Variants in DHX8 observed in about 807,000 individuals in gnomAD.
The protein encoded by DHX8 is DEAH-box helicase 8.
In DHX8, 67 loss-of-function variants were observed where a neutral mutation model predicts 140.7. The observed-to-expected ratio is 0.48, with a 90% confidence interval of 0.39 to 0.58. The LOEUF is 0.58. Ranked by LOEUF, DHX8 falls within the 20% of genes least tolerant of loss-of-function variation. The pLI, the probability that DHX8 is intolerant of heterozygous loss-of-function variation, is 0.00. For synonymous variants in DHX8, 533 were observed against 553.2 expected (o/e 0.96, Z 0.51); for missense variants, 887 against 1,550.7 (o/e 0.57, Z 7.19).
Position 43,508,416 on chromosome 17 carries a change from C to T in DHX8, c.2398C>T (p.Leu800=). 1 of 1,613,834 alleles carries T rather than the reference C, an allele frequency of 6.2e-7. No homozygotes were observed. Among genetic ancestry groups the T allele is most frequent in the Non-Finnish European group, 8.5e-7 (1 of 1,179,862 alleles). Residue 800 remains leucine (L), a synonymous_variant, in exon 16 of 23, where the codon CTG becomes TTG. Coordinates refer to ENST00000262415, the MANE Select transcript of DHX8 (RefSeq NM_004941.3). The part of the protein sequence containing the change: ...CEILYERMKS[L]GPDVPELIIL... ...GATCCTGTATGAAAGAATGAAATCC[C>T]TGGGACCTGATGTTCCAGAGTTAAT...
At chr17:43,484,249 G>A (rs73987509) in intron 1 of DHX8, 64 bp downstream of exon 1, 22 of 471,896 alleles carry the variant, frequency 4.7e-5, no homozygotes, top group Non-Finnish European at 6.2e-5. Flanking sequence ...GAGGAAGGAG[G>A]AAGGAGAAAG....
At chr17:43,486,093 A>T (rs1968127008) in intron 1 of DHX8, among the ~76,000 whole-genome samples, 1 of 152,068 alleles carries the variant, frequency 6.6e-6, no homozygotes. Context: ...CAGGAGGCTG[A>T]GGCAGGAGAA....
intron 3 of DHX8, 66 bp downstream of exon 3, chr17:43,490,529 G>T: frequency 7.4e-7 from 1 of 1,342,536 alleles, no homozygotes; most frequent in Non-Finnish European, 1.0e-6. Context: ...CCTGTAAATT[G>T]CATTTGTTTT....
chr17:43,504,858 G>GT, intron 12 of DHX8, 33 bp downstream of exon 12: 2 of 1,586,886 alleles, frequency 1.3e-6, no homozygotes, highest in Non-Finnish European at 1.7e-6. Context: ...TTGGTGGGGA[G>GT]TAGGGTTATT....
chr17:43,521,290 G>A lies in DHX8; in HGVS notation c.3067-79G>A, dbSNP rs139112026. On this transcript the variant is annotated intron_variant, in intron 20 of 22. Coordinates refer to ENST00000262415, the MANE Select transcript of DHX8 (RefSeq NM_004941.3). ...ATGTGGACACTTTTGATAGGGTCTT[G>A]TAGGGCTCCCTAGAATTGCTCCATG... The A allele has an allele frequency of 6.7e-5, 83 of 1,247,348 alleles. No homozygotes were observed. The African/African-American group carries it at 1.1e-3, about 17-fold the overall frequency. 77.3% of individuals were successfully genotyped at this position (1,247,348 alleles called of 1,614,324 possible). A position where few individuals can be genotyped will look rare whatever the true frequency, so the allele number is the denominator to read the frequency against.
At chr17:43,490,876 C>A (rs1318487449) in intron 3 of DHX8, among the ~76,000 whole-genome samples, 1 of 151,566 alleles carries the variant, frequency 6.6e-6, no homozygotes, top group Non-Finnish European at 1.5e-5. Flanking sequence ...TTCCCCGTTT[C>A]AAGGGGAAAA....
At chr17:43,513,280 GAT>G in intron 16 of DHX8, 80 bp from the exon 17 acceptor site, 1 of 1,448,468 alleles carries the variant, frequency 6.9e-7, no homozygotes, top group Non-Finnish European at 9.3e-7. Flanking sequence ...CCTTTGGGAA[GAT>G]ATCTGGGTTC....
intron 3 of DHX8, chr17:43,536,553 C>T: frequency 7.4e-7 from 1 of 1,352,900 alleles, no homozygotes; most frequent in Non-Finnish European, 1.1e-6. Flanking sequence ...TATTACAGCC[C>T]TGCAGATTAG....
chr17:43,489,667 T>C, intron 2 of DHX8, 133 bp downstream of exon 2: 1 of 578,820 alleles, frequency 1.7e-6, no homozygotes. Context: ...CTCAGCTCAC[T>C]GCAAGCTCCG....
chr17:43,536,597 C>T lies in DHX8; in HGVS notation c.*20+99C>T, dbSNP rs575757670. ...AAGAAAGGACCAACAGCCTTTAGAT[C>T]AGGGGTGTCCACATTGTAAGAATTG... On this transcript the variant is annotated intron_variant, in intron 3 of 3. Transcript: ENST00000589898. The T allele has an allele frequency of 7.8e-6, 6 of 771,180 alleles. No individual in the cohort carries two copies. In the East Asian group the frequency reaches 1.2e-4, roughly 16 times the overall value. The allele number at this position is 771,180 out of a possible 1,614,324, so 47.8% of individuals were successfully genotyped here.
At chr17:43,530,940 T>C (rs1567707839), downstream of DHX8, among the ~76,000 whole-genome samples, 1 of 152,000 alleles carries the variant, frequency 6.6e-6, no homozygotes, top group Non-Finnish European at 1.5e-5. Context: ...AATTCCTGAC[T>C]CCATTCAGGA....
chr17:43,524,550 G>C lies in DHX8; in HGVS notation c.*703G>C. The C allele has an allele frequency of 1.0e-6, 1 of 986,364 alleles. No individual in the cohort carries two copies. Among genetic ancestry groups the C allele is most frequent in the Non-Finnish European group, 1.2e-6 (1 of 830,772 alleles). The allele number at this position is 986,364 out of a possible 1,614,324, so 61.1% of individuals were successfully genotyped here. A position where few individuals can be genotyped will look rare whatever the true frequency, so the allele number is the denominator to read the frequency against. The stretch of plus-strand genomic sequence containing the variant: ...GGGCCGTGCTGGGGGATCACCCGAT[G>C]ATCAACCATGTCCTCTCCACAGAGC... On this transcript the variant is annotated 3_prime_UTR_variant, in exon 23 of 23. Transcript: ENST00000262415.
chr17:43,515,850 G>A (rs1598168622), intron 17 of DHX8, among the ~76,000 whole-genome samples: 1 of 152,090 alleles, frequency 6.6e-6, no homozygotes, highest in Non-Finnish European at 1.5e-5. Flanking sequence ...CTATCCTTTG[G>A]TTTGGAGCTG....
intron 3 of DHX8, among the ~76,000 whole-genome samples, chr17:43,538,180 G>A (rs1478715411): frequency 6.6e-6 from 1 of 150,832 alleles, no homozygotes; most frequent in Non-Finnish European, 1.5e-5. Flanking sequence ...GTGGTGGCAC[G>A]CCTGTAATCC....
At chr17:43,531,577 A>C (rs1970938334), downstream of DHX8, among the ~76,000 whole-genome samples, 1 of 152,156 alleles carries the variant, frequency 6.6e-6, no homozygotes, top group African/African-American at 2.4e-5. Context: ...GGTGATGGGC[A>C]CCTGTAACCC....
At chr17:43,512,694 C>G (rs758481791) in intron 16 of DHX8, among the ~76,000 whole-genome samples, 1 of 152,138 alleles carries the variant, frequency 6.6e-6, no homozygotes, top group Non-Finnish European at 1.5e-5. Flanking sequence ...TGGCATGATG[C>G]GTGATATTCC....
At chr17:43,529,026 T>C, downstream of DHX8, 1 of 1,059,444 alleles carries the variant, frequency 9.4e-7, no homozygotes, top group Non-Finnish European at 1.5e-6. Context: ...GACTGATTCA[T>C]TATCTGATCC....
chr17:43,526,644 C>T (rs1970629383), downstream of DHX8: 1 of 1,530,206 alleles, frequency 6.5e-7, no homozygotes, highest in African/African-American at 1.4e-5. Context: ...CTTGTGGAGA[C>T]CTTTCTTTCC....
downstream of DHX8, chr17:43,529,784 A>G (rs1970796189): frequency 1.9e-6 from 3 of 1,596,744 alleles, no homozygotes; most frequent in Non-Finnish European, 2.6e-6. Flanking sequence ...GTACTTTTCT[A>G]TGGGTCCCAC....
Sources: allele counts gnomAD v4.1 joint callset (sites outside exome capture counted in the v4.1 genomes callset), GRCh38; gene constraint gnomAD v4.1.1; transcripts MANE v1.5; gene names NCBI Gene and HGNC (gene_info 2026-07-23, HGNC 2026-07-21).